Variants in NUBPL observed in about 807,000 individuals in gnomAD.
The protein encoded by NUBPL is NUBP iron-sulfur cluster assembly factor, mitochondrial.
A neutral mutation model predicts 45.7 loss-of-function variants in NUBPL; 31 were observed. The observed-to-expected ratio is 0.68, with a 90% confidence interval of 0.51 to 0.92. The LOEUF is 0.92. NUBPL is among the 40% of genes least tolerant of loss of function. NUBPL has a pLI of 0.00. For missense variants in NUBPL, 401 were observed against 398.7 expected, an observed-to-expected ratio of 1.01 and a Z score of -0.05; for synonymous variants, 144 against 140.9, an observed-to-expected ratio of 1.02 and a Z score of -0.15.
intron 4 of NUBPL, among the ~76,000 whole-genome samples, chr14:31,660,274 G>A (rs530372165): frequency 1.3e-5 from 2 of 152,216 alleles, no homozygotes; most frequent in South Asian, 2.1e-4. Context: ...TAAATAGGTA[G>A]AGCATTGTAA....
chr14:31,567,860 G>T (rs2033478805), intron 3 of NUBPL, among the ~76,000 whole-genome samples: 1 of 152,198 alleles, frequency 6.6e-6, no homozygotes, highest in African/African-American at 2.4e-5. Flanking sequence ...TGGGGATAGA[G>T]ATCTGCAATC....
intron 4 of NUBPL, among the ~76,000 whole-genome samples, chr14:31,635,970 T>C (rs1230081482): frequency 6.6e-6 from 1 of 152,248 alleles, no homozygotes; most frequent in Non-Finnish European, 1.5e-5. Context: ...AAGTTACTTA[T>C]CAGCTTAAGG....
intron 4 of NUBPL, among the ~76,000 whole-genome samples, chr14:31,626,978 A>G (rs1448103721): frequency 2.6e-5 from 4 of 152,182 alleles, no homozygotes. Context: ...TTAAATATAC[A>G]GATTTCCAGG....
rs576281496 is a variant in NUBPL at position 31,745,183 on chromosome 14, T to G, written c.514-42597T>G. On this transcript the variant is annotated intron_variant, in intron 6 of 10. Coordinates refer to ENST00000281081, the MANE Select transcript of NUBPL (RefSeq NM_025152.3). ...CGTCATTTGCATTAGGTATGTCTCC[T>G]AATGCTATCCCTCCCCGCTCTCCCC... Among the ~76,000 whole-genome samples, 38 of 152,260 alleles carry G rather than the reference T, an allele frequency of 2.5e-4. 1 individual carries two copies. In the South Asian group the frequency reaches 7.3e-3, roughly 29 times the overall value.
intron 2 of NUBPL, 149 bp downstream of exon 2, chr14:31,562,364 G>C (rs2033311366): frequency 2.5e-6 from 2 of 800,746 alleles, no homozygotes; most frequent in Admixed American, 3.0e-5. Context: ...GTAGCGGGTA[G>C]ACGCTTAGAT....
intron 6 of NUBPL, among the ~76,000 whole-genome samples, chr14:31,708,696 T>G (rs1595526069): frequency 6.6e-6 from 1 of 152,136 alleles, no homozygotes; most frequent in South Asian, 2.1e-4. Context: ...AGGAAGTCAA[T>G]TTCCTGGCCC....
At chr14:31,761,665 C>A (rs564987643) in intron 6 of NUBPL, among the ~76,000 whole-genome samples, 1 of 152,230 alleles carries the variant, frequency 6.6e-6, no homozygotes, top group East Asian at 1.9e-4. Context: ...ATATTGTGAT[C>A]AGTACATATA....
rs187224406 is a variant in NUBPL, at chr14:31,858,535, A to G, written c.898-583A>G. On this transcript the variant is annotated intron_variant, in intron 10 of 10. Coordinates refer to ENST00000281081, the MANE Select transcript of NUBPL (RefSeq NM_025152.3). ...ACTCTGTGGCTTAAGAGCTGCTGTT[A>G]GTGTCCCATGACACTGGGATCCCAG... 2.0e-5 allele frequency among the ~76,000 whole-genome samples: 3 copies of G among 152,306 alleles called. No homozygotes were observed. In the East Asian group the frequency reaches 5.8e-4, roughly 29 times the overall value.
chr14:31,669,168 T>G (rs1207756709), intron 4 of NUBPL, among the ~76,000 whole-genome samples: 1 of 152,176 alleles, frequency 6.6e-6, no homozygotes, highest in African/African-American at 2.4e-5. Context: ...TGGCTTTATT[T>G]TTATTTTTAA....
chr14:31,826,856 T>G (rs1566585538), intron 8 of NUBPL, 142 bp downstream of exon 8: 2 of 695,542 alleles, frequency 2.9e-6, no homozygotes, highest in Non-Finnish European at 5.0e-6. Context: ...TTGGTGACTT[T>G]AAAAACACAC....
chr14:31,833,311 G>C (rs1236692339), intron 8 of NUBPL, among the ~76,000 whole-genome samples: 1 of 152,084 alleles, frequency 6.6e-6, no homozygotes, highest in Non-Finnish European at 1.5e-5. Context: ...TTAGGCTGCA[G>C]TGAACTGTGA....
At chr14:31,784,672 G>A (rs916692346) in intron 6 of NUBPL, among the ~76,000 whole-genome samples, 18 of 150,420 alleles carry the variant, frequency 1.2e-4, no homozygotes, top group African/African-American at 4.2e-4. Context: ...GGGTAGTCTC[G>A]GGGTAACTAT....
intron 6 of NUBPL, among the ~76,000 whole-genome samples, chr14:31,688,595 A>G (rs1439786510): frequency 6.7e-6 from 1 of 150,140 alleles, no homozygotes; most frequent in South Asian, 2.1e-4. Context: ...AAAAAAAGAA[A>G]AAAAAAAAAA....
chr14:31,735,830 C>T (rs573568734), intron 6 of NUBPL, among the ~76,000 whole-genome samples: 25 of 152,144 alleles, frequency 1.6e-4, no homozygotes, highest in Non-Finnish European at 2.6e-4. Flanking sequence ...CCAGCCTAGG[C>T]GACAGAGCGA....
At chr14:31,612,348 A>G (rs1328719648) in intron 4 of NUBPL, among the ~76,000 whole-genome samples, 2 of 152,264 alleles carry the variant, frequency 1.3e-5, no homozygotes, top group East Asian at 1.9e-4. Context: ...GAAGACATGC[A>G]AATAGCAAAC....
intron 6 of NUBPL, among the ~76,000 whole-genome samples, chr14:31,754,262 C>A (rs546747208): frequency 6.6e-6 from 1 of 152,094 alleles, no homozygotes; most frequent in African/African-American, 2.4e-5. Flanking sequence ...AAGATCTAGG[C>A]AGCAATTATC....
chr14:31,793,104 C>T (rs1353270816), intron 7 of NUBPL, among the ~76,000 whole-genome samples: 5 of 152,104 alleles, frequency 3.3e-5, no homozygotes, highest in Admixed American at 6.6e-5. Flanking sequence ...TTTCTTATGT[C>T]CCATATCCCA....
chr14:31,634,546 C>A (rs2035435060), intron 4 of NUBPL, among the ~76,000 whole-genome samples: 1 of 152,088 alleles, frequency 6.6e-6, no homozygotes, highest in African/African-American at 2.4e-5. Context: ...CTGCTATAAA[C>A]ATACGTGTTC....
chr14:31,615,772 T>C (rs533944288), intron 4 of NUBPL, among the ~76,000 whole-genome samples: 41 of 152,360 alleles, frequency 2.7e-4, no homozygotes, highest in African/African-American at 9.6e-4. Flanking sequence ...TGCATGTGTC[T>C]TTATAGTAGA....
Sources: allele counts gnomAD v4.1 joint callset (sites outside exome capture counted in the v4.1 genomes callset), GRCh38; gene constraint gnomAD v4.1.1; transcripts MANE v1.5; gene names NCBI Gene and HGNC (gene_info 2026-07-23, HGNC 2026-07-21).